Variants in SLC16A10 observed in about 807,000 individuals in gnomAD.
SLC16A10 encodes monocarboxylate transporter 10.
Under a neutral mutation model 40.0 loss-of-function variants are expected in SLC16A10, and 27 were observed. The ratio of observed to expected loss-of-function variants is 0.67; its 90% CI spans 0.50 to 0.93. SLC16A10 has a LOEUF of 0.93. Among genes scored for constraint, SLC16A10 ranks in the 40% least tolerant of loss-of-function variants. SLC16A10 has a pLI of 0.00. For synonymous variants in SLC16A10, 213 were observed against 249.8 expected, an observed-to-expected ratio of 0.85 and a Z score of 1.39; for missense variants, 529 against 658.2, an observed-to-expected ratio of 0.80 and a Z score of 2.15.
At chr6:111,148,054 CAG>C (rs1772110554) in intron 1 of SLC16A10, among the ~76,000 whole-genome samples, 1 of 152,172 alleles carries the variant, frequency 6.6e-6, no homozygotes, top group Admixed American at 6.5e-5. Flanking sequence ...TGAGATTAAA[CAG>C]AATGGCAGAG....
intron 1 of SLC16A10, among the ~76,000 whole-genome samples, chr6:111,113,537 C>CA: frequency 6.6e-6 from 1 of 152,242 alleles, no homozygotes; most frequent in East Asian, 1.9e-4. Flanking sequence ...ATTTGAGGAA[C>CA]CAGTAATAGA....
At chr6:111,211,274 G>A (rs754526284) in intron 4 of SLC16A10, among the ~76,000 whole-genome samples, 8 of 152,048 alleles carry the variant, frequency 5.3e-5, no homozygotes, top group Non-Finnish European at 1.0e-4. Flanking sequence ...ATGTTTGAAC[G>A]TCCTCCTACC....
At chr6:111,121,645 T>C (rs981891219) in intron 1 of SLC16A10, among the ~76,000 whole-genome samples, 2 of 152,230 alleles carry the variant, frequency 1.3e-5, no homozygotes, top group African/African-American at 4.8e-5. Context: ...CCATTACAGC[T>C]TGGTTTAAAG....
chr6:111,122,494 C>T (rs764159681), intron 1 of SLC16A10, among the ~76,000 whole-genome samples: 19 of 152,142 alleles, frequency 1.2e-4, no homozygotes, highest in Non-Finnish European at 2.4e-4. Flanking sequence ...GAACCCTTGC[C>T]TTTAAAGAAC....
rs1770986379 is a variant in SLC16A10, at chr6:111,225,807, C to T, written c.*3572C>T. The T allele has an allele frequency of 6.6e-6, 1 of 151,976 alleles. No homozygotes were observed. Among genetic ancestry groups the T allele is most frequent in the South Asian group, 2.1e-4 (1 of 4,822 alleles). The allele number at this position is 151,976 out of a possible 1,614,324, so 9.4% of individuals were successfully genotyped here. A position where few individuals can be genotyped will look rare whatever the true frequency, so the allele number is the denominator to read the frequency against. ...AGTTCCTGCTGGTGCACTTTCATGCCCTTTCTTATGTACCTTTTGTCTTAC... is the reference window on the plus strand; with the variant it reads ...AGTTCCTGCTGGTGCACTTTCATGCTCTTTCTTATGTACCTTTTGTCTTAC... On this transcript the variant is annotated 3_prime_UTR_variant, in exon 6 of 6. Transcript: ENST00000368851.
intron 1 of SLC16A10, among the ~76,000 whole-genome samples, chr6:111,102,634 C>T (rs1191794376): frequency 6.6e-6 from 1 of 152,174 alleles, no homozygotes; most frequent in African/African-American, 2.4e-5. Context: ...CTTGTTTCCT[C>T]TGCTGTCTTA....
chr6:111,188,490 T>C (rs1473475071), intron 3 of SLC16A10, among the ~76,000 whole-genome samples: 1 of 151,760 alleles, frequency 6.6e-6, no homozygotes, highest in Non-Finnish European at 1.5e-5. Flanking sequence ...GACACAAGGA[T>C]ATATATATAT....
At chr6:111,171,798 G>A (rs1406901040) in intron 1 of SLC16A10, among the ~76,000 whole-genome samples, 8 of 145,130 alleles carry the variant, frequency 5.5e-5, no homozygotes, top group East Asian at 2.0e-4. Context: ...CCTGGGCAGC[G>A]GAGTGAGACC....
chr6:111,127,577 A>G lies in SLC16A10; in HGVS notation c.343+39482A>G, dbSNP rs190429933. Among the ~76,000 whole-genome samples, 562 of 152,322 alleles carry G rather than the reference A, an allele frequency of 3.7e-3. 2 individuals carry two copies. The highest frequency in any genetic ancestry group is 0.012 in the African/African-American group (495 of 41,568). The stretch of plus-strand genomic sequence containing the variant: ...TGAAGGAAATAATGGTATAGAAGAA[A>G]TATGTCTTTCTTGCTAGAATCTTAT... On this transcript the variant is annotated intron_variant, in intron 1 of 5. Transcript: ENST00000368851.
chr6:111,230,051 CGATCTCA>C lies in SLC16A10; in HGVS notation c.*7818_*7824del, dbSNP rs928025733. The C allele has an allele frequency of 8.6e-6, 1 of 115,990 alleles. No individual in the cohort carries two copies. Among genetic ancestry groups the C allele is most frequent in the Non-Finnish European group, 1.6e-5 (1 of 62,344 alleles). 7.2% of individuals were successfully genotyped at this position (115,990 alleles called of 1,614,324 possible). ...TATTGCCAGGCTCCATATAGTGGCGCGATCTCAGCTCACTGCAACCTCCGCCTCCCGG... is the reference window on the plus strand; with the variant it reads ...TATTGCCAGGCTCCATATAGTGGCGCGCTCACTGCAACCTCCGCCTCCCGG... On this transcript the variant is annotated 3_prime_UTR_variant, in exon 6 of 6. Coordinates refer to ENST00000368851, the MANE Select transcript of SLC16A10 (RefSeq NM_018593.5).
intron 1 of SLC16A10, among the ~76,000 whole-genome samples, chr6:111,107,225 C>T (rs1771300433): frequency 6.6e-6 from 1 of 152,088 alleles, no homozygotes; most frequent in Non-Finnish European, 1.5e-5. Flanking sequence ...TCAACTTGTA[C>T]TAACTTGTTA....
At position 111,139,080 on chromosome 6, in the gene SLC16A10, T is replaced by TTTTC. The variant is rs1554257715; in HGVS notation, c.344-33613_344-33612insTCTT. On this transcript the variant is annotated intron_variant, in intron 1 of 5. Transcript: ENST00000368851. ...TTCCTTCTCCCTGCTGGCTTTTTTT[T>TTTTC]TTCTTCTTCTTCTTTTTTTTTTTTT... Among the ~76,000 whole-genome samples the TTTTC allele has an allele frequency of 6.2e-4, 80 of 129,060 alleles. 1 individual carries two copies. Among genetic ancestry groups the TTTTC allele is most frequent in the African/African-American group, 2.1e-3 (72 of 34,308 alleles). The allele number at this position is 129,060 out of a possible 152,430, so 84.7% of individuals were successfully genotyped here. A position where few individuals can be genotyped will look rare whatever the true frequency, so the allele number is the denominator to read the frequency against.
intron 1 of SLC16A10, among the ~76,000 whole-genome samples, chr6:111,095,980 C>T (rs1771067321): frequency 6.6e-6 from 1 of 152,054 alleles, no homozygotes; most frequent in African/African-American, 2.4e-5. Context: ...TTAGAGTAGC[C>T]TTGTGGTATG....
intron 3 of SLC16A10, among the ~76,000 whole-genome samples, chr6:111,198,738 C>G (rs926664026): frequency 2.0e-5 from 3 of 152,156 alleles, no homozygotes; most frequent in Admixed American, 6.5e-5. Flanking sequence ...TGTAATTCCA[C>G]TATTGATTAG....
chr6:111,163,671 A>C (rs961298623), intron 1 of SLC16A10, among the ~76,000 whole-genome samples: 1 of 152,336 alleles, frequency 6.6e-6, no homozygotes, highest in African/African-American at 2.4e-5. Context: ...TTCAAAAGTA[A>C]GGGGTCAGAA....
chr6:111,157,733 A>G (rs1297980878), intron 1 of SLC16A10, among the ~76,000 whole-genome samples: 4 of 152,214 alleles, frequency 2.6e-5, no homozygotes, highest in Non-Finnish European at 5.9e-5. Flanking sequence ...ATTTAAATCA[A>G]AGTATAAAAT....
chr6:111,131,259 G>A (rs1375448552), intron 1 of SLC16A10, among the ~76,000 whole-genome samples: 1 of 152,214 alleles, frequency 6.6e-6, no homozygotes, highest in East Asian at 1.9e-4. Flanking sequence ...GCTCCCAATC[G>A]GGCTAGGGGC....
intron 4 of SLC16A10, among the ~76,000 whole-genome samples, chr6:111,208,803 G>T (rs937719203): frequency 2.0e-5 from 3 of 152,210 alleles, no homozygotes; most frequent in Non-Finnish European, 2.9e-5. Context: ...GTGTTTCTTT[G>T]TGGGGTAATG....
At chr6:111,129,270 G>C (rs1016876877) in intron 1 of SLC16A10, among the ~76,000 whole-genome samples, 28 of 152,350 alleles carry the variant, frequency 1.8e-4, no homozygotes, top group Non-Finnish European at 1.2e-4. Flanking sequence ...AAGAAGGAAG[G>C]GGGGTTGGGG....
Sources: allele counts gnomAD v4.1 joint callset (sites outside exome capture counted in the v4.1 genomes callset), GRCh38; gene constraint gnomAD v4.1.1; transcripts MANE v1.5; gene names NCBI Gene and HGNC (gene_info 2026-07-23, HGNC 2026-07-21).